Variants in ZNF44 observed in about 807,000 individuals in gnomAD.
ZNF44 encodes zinc finger protein 44.
Under a neutral mutation model 11.7 loss-of-function variants are expected in ZNF44, and 9 were observed. That is an observed-to-expected ratio of 0.77 (90% CI 0.46 to 1.35). The LOEUF (loss-of-function observed/expected upper bound fraction) is 1.35. Ranked by LOEUF, ZNF44 falls within the 40% of genes most tolerant of loss-of-function variation. The pLI is 0.00. For missense variants in ZNF44, 696 were observed against 743.1 expected (o/e 0.94, Z 0.74); for synonymous variants, 224 against 242.7 (o/e 0.92, Z 0.72).
At chr19:12,276,882 C>T (rs1325911804) in intron 1 of ZNF44, among the ~76,000 whole-genome samples, 1 of 152,116 alleles carries the variant, frequency 6.6e-6, no homozygotes, top group African/African-American at 2.4e-5. Context: ...CAGCTAGACA[C>T]TCAGCCCCCT....
chr19:12,291,613 T>A (rs934737114), intron 1 of ZNF44, among the ~76,000 whole-genome samples: 3 of 151,824 alleles, frequency 2.0e-5, no homozygotes, highest in Admixed American at 1.3e-4. Flanking sequence ...TGGAAGGATC[T>A]CTTGAGCCCT....
chr19:12,289,455 G>C (rs1181448119), intron 1 of ZNF44, among the ~76,000 whole-genome samples: 2 of 151,992 alleles, frequency 1.3e-5, no homozygotes, highest in African/African-American at 4.8e-5. Flanking sequence ...GCTTGAGTCA[G>C]GGTAAAACAC....
rs1916097061 is a variant in ZNF44, at chr19:12,230,149, A to G, written n.436+311T>C. ...CCAGGCCATGTTACAATAAAAGACT[A>G]CATGCTTAAGCCAAGTTTGGCGAGG... On this transcript the variant is annotated intron_variant and non_coding_transcript_variant, in intron 3 of 3. Transcript: ENST00000597563. 3.3e-5 allele frequency among the ~76,000 whole-genome samples: 5 copies of G among 152,336 alleles called. No homozygotes were observed. In the South Asian group the frequency reaches 1.0e-3, roughly 32 times the overall value.
chr19:12,268,133 CACACACACACAG>C (rs1394463529), downstream of ZNF44, among the ~76,000 whole-genome samples: 1 of 135,648 alleles, frequency 7.4e-6, no homozygotes, highest in Non-Finnish European at 1.6e-5. Flanking sequence ...GGTGTTCTTA[CACACACACACAG>C]ACACACACAC....
chr19:12,288,846 T>C lies in ZNF44; in HGVS notation c.3+5846A>G, dbSNP rs963361939. On this transcript the variant is annotated intron_variant, in intron 1 of 3. Coordinates refer to ENST00000355684, the MANE Select transcript of ZNF44 (RefSeq NM_016264.4). ...CCACCACCATGCCCAGTTCTTTCTG[T>C]TCTGGACAAGTAGCCCAGTGCAAAG... 2.1e-5 allele frequency among the ~76,000 whole-genome samples: 3 copies of C among 144,618 alleles called. No individual in the cohort carries two copies. In the South Asian group the frequency reaches 6.5e-4, roughly 31 times the overall value. The allele number at this position is 144,618 out of a possible 152,430, so 94.9% of individuals were successfully genotyped here.
intron 5 of ZNF44, among the ~76,000 whole-genome samples, chr19:12,263,695 G>A (rs1917612642): frequency 1.3e-5 from 2 of 152,038 alleles, no homozygotes; most frequent in South Asian, 4.1e-4. Flanking sequence ...GGAGGCCGAG[G>A]CGGGCGGATC....
At position 12,272,362 on chromosome 19, in the gene ZNF44, C is replaced by G; in HGVS notation, c.*45G>C. 1.4e-6 allele frequency: 2 copies of G among 1,476,142 alleles called. No homozygotes were observed. The highest frequency in any genetic ancestry group is 1.8e-6 in the Non-Finnish European group (2 of 1,114,798). The allele number at this position is 1,476,142 out of a possible 1,614,324, so 91.4% of individuals were successfully genotyped here. ...CACAGGATTTATTTCTTTCAAGTAT[C>G]TGAATGTGATAAAACCAATGAATGC... On this transcript the variant is annotated 3_prime_UTR_variant, in exon 4 of 4. Transcript: ENST00000355684.
intron 6 of ZNF44, chr19:12,250,183 C>A: frequency 1.6e-6 from 2 of 1,290,130 alleles, no homozygotes; most frequent in South Asian, 2.5e-5. Flanking sequence ...GCATTGATAT[C>A]CAAGAAAAAG....
chr19:12,288,802 A>ATATATATATATG (rs1967878231), intron 1 of ZNF44, among the ~76,000 whole-genome samples: 1 of 119,428 alleles, frequency 8.4e-6, no homozygotes, highest in African/African-American at 3.1e-5. Flanking sequence ...ATATATATAT[A>ATATATATATATG]TATGAAATCA....
At chr19:12,263,353 TG>T (rs1917596582) in intron 5 of ZNF44, among the ~76,000 whole-genome samples, 1 of 152,068 alleles carries the variant, frequency 6.6e-6, no homozygotes, top group Non-Finnish European at 1.5e-5. Flanking sequence ...CCCAAAGTGC[TG>T]GGATTACAGG....
chr19:12,290,417 C>T (rs1967959035), intron 1 of ZNF44, among the ~76,000 whole-genome samples: 1 of 144,906 alleles, frequency 6.9e-6, no homozygotes, highest in African/African-American at 2.6e-5. Context: ...AAAGGCTCCT[C>T]CCAGGCCAGG....
At chr19:12,293,892 C>G (rs7258065) in intron 1 of ZNF44, among the ~76,000 whole-genome samples, 4,338 of 152,226 alleles carry the variant, frequency 0.028, 210 homozygotes, top group African/African-American at 0.1. Context: ...ACCCTCCCAC[C>G]GTCACCGTGC....
At chr19:12,247,834 AAGTTTTCCC>A in exon 8 of ZNF44, 3 of 1,300,700 alleles carry the variant, frequency 2.3e-6, no homozygotes, top group Non-Finnish European at 3.0e-6. Context: ...GGAGACAAGT[AAGTTTTCCC>A]ACACAGTTTA....
At chr19:12,228,841 T>A (rs1240393126) in intron 3 of ZNF44, among the ~76,000 whole-genome samples, 1 of 152,208 alleles carries the variant, frequency 6.6e-6, no homozygotes, top group Admixed American at 6.5e-5. Flanking sequence ...AATATTAATG[T>A]TTCACTTATT....
intron 1 of ZNF44, among the ~76,000 whole-genome samples, chr19:12,277,944 C>A (rs1359314073): frequency 2.0e-5 from 3 of 152,208 alleles, no homozygotes; most frequent in Non-Finnish European, 4.4e-5. Context: ...CCTAGGACAA[C>A]ACAAGATGAC....
chr19:12,244,945 T>C (rs886184128), downstream of ZNF44, among the ~76,000 whole-genome samples: 25 of 152,206 alleles, frequency 1.6e-4, no homozygotes, highest in Non-Finnish European at 1.9e-4. Context: ...CCGTCATTGA[T>C]GCTTTGTGTT....
At chr19:12,257,102 T>C (rs1599506431) in intron 5 of ZNF44, among the ~76,000 whole-genome samples, 1 of 152,198 alleles carries the variant, frequency 6.6e-6, no homozygotes, top group Admixed American at 6.5e-5. Flanking sequence ...TCAAGGCTAC[T>C]GAGGTTCCCT....
chr19:12,240,541 C>CA (rs1241850074), upstream of ZNF44, among the ~76,000 whole-genome samples: 4 of 151,388 alleles, frequency 2.6e-5, no homozygotes, highest in Non-Finnish European at 5.9e-5. Context: ...TTCAAAGACT[C>CA]ACGCTTCCTG....
downstream of ZNF44, among the ~76,000 whole-genome samples, chr19:12,268,145 GACACAC>G (rs71166661): frequency 0.018 from 2,525 of 136,768 alleles, 31 homozygotes; most frequent in Middle Eastern, 0.033. Flanking sequence ...CACACACACA[GACACAC>G]ACACACACAC....
Sources: allele counts gnomAD v4.1 joint callset (sites outside exome capture counted in the v4.1 genomes callset), GRCh38; gene constraint gnomAD v4.1.1; transcripts MANE v1.5; gene names NCBI Gene and HGNC (gene_info 2026-07-23, HGNC 2026-07-21).